GRM3: variants seen among roughly 807,000 people sequenced by gnomAD.
GRM3 encodes glutamate metabotropic receptor 3, also known as metabotropic glutamate receptor 3.
A neutral mutation model predicts 70.5 loss-of-function variants in GRM3; 26 were observed. The ratio of observed to expected loss-of-function variants is 0.37; its 90% CI spans 0.27 to 0.51. The LOEUF is 0.51. GRM3 is among the 20% of genes least tolerant of loss of function. The pLI is 0.93. For synonymous variants in GRM3, 443 were observed against 434.9 expected (o/e 1.02, Z -0.23); for missense variants, 859 against 1,123.8 (o/e 0.76, Z 3.37).
intron 2 of GRM3, 49 bp downstream of exon 2, chr7:86,765,662 A>C (rs1396209670): frequency 6.6e-7 from 1 of 1,525,092 alleles, no homozygotes; most frequent in Non-Finnish European, 9.0e-7. Flanking sequence ...CTTTGCTTTT[A>C]TGTGTTGGGG....
Position 86,839,637 on chromosome 7 carries a change from T to C in GRM3, c.2123T>C (p.Ile708Thr), listed in dbSNP as rs2116738340. The part of the protein sequence containing the change: ...VQIVMVSVWL[I>T]LEAPGTRRYT... ...ATTGTGATGGTGTCTGTGTGGCTCA[T>C]CCTGGAGGCCCCAGGCACCAGGAGG... The change falls in exon 4 of 6, where the codon ATC becomes ACC. Residue 708 changes from isoleucine (I) to threonine (T), a missense_variant. By Grantham distance (89) the Ile-to-Thr change is moderately conservative. Coordinates refer to ENST00000361669, the MANE Select transcript of GRM3 (RefSeq NM_000840.3). This position sits in a 1 kb window ranked among gnomAD's most constrained non-coding sequence, Gnocchi z 4.5. The C allele has an allele frequency of 6.2e-7, 1 of 1,613,942 alleles. No homozygotes were observed. Among genetic ancestry groups the C allele is most frequent in the African/African-American group, 1.3e-5 (1 of 75,012 alleles).
At chr7:86,825,261 G>A (rs924112740) in intron 3 of GRM3, among the ~76,000 whole-genome samples, 2 of 152,120 alleles carry the variant, frequency 1.3e-5, no homozygotes, top group African/African-American at 4.8e-5. Flanking sequence ...GAGAAAAAGA[G>A]GAGAACATTT....
chr7:86,728,808 A>G (rs1027868517), intron 1 of GRM3, among the ~76,000 whole-genome samples: 3 of 152,240 alleles, frequency 2.0e-5, no homozygotes, highest in Non-Finnish European at 2.9e-5. Flanking sequence ...AGTAACTGCA[A>G]TGAAGTCAAA....
chr7:86,690,604 G>A (rs891036105), intron 1 of GRM3, among the ~76,000 whole-genome samples: 3 of 152,012 alleles, frequency 2.0e-5, no homozygotes, highest in Non-Finnish European at 4.4e-5. Flanking sequence ...GGGGTTCAGG[G>A]GCAAGGGAGA....
At chr7:86,796,512 G>GT (rs957019362) in intron 3 of GRM3, among the ~76,000 whole-genome samples, 18 of 151,808 alleles carry the variant, frequency 1.2e-4, no homozygotes, top group South Asian at 2.1e-4. Flanking sequence ...TGCCACCTTT[G>GT]TTTTTTTTGC....
At chr7:86,851,577 T>TA (rs1798755687) in intron 5 of GRM3, among the ~76,000 whole-genome samples, 3 of 152,070 alleles carry the variant, frequency 2.0e-5, no homozygotes, top group Admixed American at 2.0e-4. Flanking sequence ...TCAGAAAGGA[T>TA]ACTTCAAAAT....
At chr7:86,769,279 G>A (rs78135593) in intron 2 of GRM3, among the ~76,000 whole-genome samples, 5,453 of 151,982 alleles carry the variant, frequency 0.036, 302 homozygotes, top group African/African-American at 0.12. Context: ...CTGAGCCGGG[G>A]GAAAAAAGAG....
intron 1 of GRM3, among the ~76,000 whole-genome samples, chr7:86,740,565 T>G (rs954551165): frequency 7.9e-5 from 12 of 152,128 alleles, no homozygotes; most frequent in Non-Finnish European, 1.8e-4. Context: ...AAACCTAATT[T>G]CAGGATAATG....
rs781189896 is a variant in GRM3 at position 86,838,960 on chromosome 7, A to T, written c.1446A>T (p.Lys482Asn). The T allele has an allele frequency of 1.9e-6, 3 of 1,613,932 alleles. No individual in the cohort carries two copies. The highest frequency in any genetic ancestry group is 2.5e-6 in the Non-Finnish European group (3 of 1,179,810). ...QNVGGKYSYLKVGHWAETLSL... is the reference protein window; with the variant it reads ...QNVGGKYSYLNVGHWAETLSL... ...TAGGTGGAAAGTATTCCTACTTGAA[A>T]GTTGGTCACTGGGCAGAAACCTTAT... is the stretch of plus-strand genomic sequence containing the variant. The change falls in exon 4 of 6, where the codon AAA becomes AAT. Residue 482 changes from lysine to asparagine, a missense_variant. Physicochemically the swap from Lys to Asn is moderately conservative, Grantham distance 94. Coordinates refer to ENST00000361669, the MANE Select transcript of GRM3 (RefSeq NM_000840.3).
Position 86,772,540 on chromosome 7 carries a change from T to A in GRM3, c.468+6927T>A, listed in dbSNP as rs117717443. Among the ~76,000 whole-genome samples the A allele has an allele frequency of 3.2e-4, 49 of 152,182 alleles. No individual in the cohort carries two copies. In the East Asian group the frequency reaches 9.5e-3, roughly 29 times the overall value. ...CCATTCCAATTGTACTTAGACCAAC[T>A]ATTCCAGAGAAGACTATCCAAGGCT... On this transcript the variant is annotated intron_variant, in intron 2 of 5. Coordinates refer to ENST00000361669, the MANE Select transcript of GRM3 (RefSeq NM_000840.3).
chr7:86,705,072 T>G (rs1422501165), intron 1 of GRM3, among the ~76,000 whole-genome samples: 1 of 151,964 alleles, frequency 6.6e-6, no homozygotes, highest in African/African-American at 2.4e-5. Flanking sequence ...CAAAGGCAGT[T>G]TTAATAAGGG....
chr7:86,767,464 G>C (rs1168323772), intron 2 of GRM3, among the ~76,000 whole-genome samples: 1 of 146,332 alleles, frequency 6.8e-6, no homozygotes, highest in African/African-American at 2.5e-5. Flanking sequence ...CTTGGATAAA[G>C]AGAGATGAAA....
chr7:86,731,084 C>T (rs1032552500), intron 1 of GRM3, among the ~76,000 whole-genome samples: 1 of 151,920 alleles, frequency 6.6e-6, no homozygotes, highest in African/African-American at 2.4e-5. Context: ...TCAATTAGTG[C>T]TATGATTTCA....
At chr7:86,795,436 A>G (rs7812155) in intron 3 of GRM3, among the ~76,000 whole-genome samples, 12,166 of 151,878 alleles carry the variant, frequency 0.08, 585 homozygotes, top group African/African-American at 0.13. Context: ...TACATTAGCT[A>G]TTGATCCTGG....
At chr7:86,728,813 G>T (rs1795652984) in intron 1 of GRM3, among the ~76,000 whole-genome samples, 1 of 152,198 alleles carries the variant, frequency 6.6e-6, no homozygotes, top group Non-Finnish European at 1.5e-5. Flanking sequence ...CTGCAATGAA[G>T]TCAAAGCCTC....
chr7:86,743,505 C>T (rs963392959), intron 1 of GRM3, among the ~76,000 whole-genome samples: 1 of 152,070 alleles, frequency 6.6e-6, no homozygotes, highest in African/African-American at 2.4e-5. Context: ...GTTTATATTT[C>T]TTCTCCCTTG....
intron 1 of GRM3, among the ~76,000 whole-genome samples, chr7:86,752,849 C>T (rs917240878): frequency 2.0e-5 from 3 of 152,122 alleles, no homozygotes; most frequent in Admixed American, 2.0e-4. Context: ...ACGTGCCCAG[C>T]CCCCTTCTAA....
chr7:86,746,341 T>TTTTTTATATATATATATATATATA (rs1388333232), intron 1 of GRM3, among the ~76,000 whole-genome samples: 1 of 87,486 alleles, frequency 1.1e-5, no homozygotes, highest in Non-Finnish European at 2.0e-5. Flanking sequence ...CAGTCATGTA[T>TTTTTTATATATATATATATATATA]TATATATATA....
At chr7:86,682,439 A>C (rs940941079) in intron 1 of GRM3, among the ~76,000 whole-genome samples, 2 of 152,188 alleles carry the variant, frequency 1.3e-5, no homozygotes, top group Non-Finnish European at 2.9e-5. Context: ...ATTACAAAGA[A>C]AATGATGACC....
Sources: gnomAD v4.1 joint callset for allele counts (sites outside exome capture counted in the v4.1 genomes callset) on GRCh38, gnomAD v4.1.1 for gene constraint, Gnocchi (gnomAD v3.1) non-coding constraint, MANE v1.5 for transcripts, NCBI Gene and HGNC (gene_info 2026-07-23, HGNC 2026-07-21) for gene names.